Variants in GPM6A observed in about 807,000 individuals in gnomAD.
The protein encoded by GPM6A is neuronal membrane glycoprotein M6-a.
A neutral mutation model predicts 32.1 loss-of-function variants in GPM6A; 7 were observed. The ratio of observed to expected loss-of-function variants is 0.22; its 90% CI spans 0.12 to 0.41. The LOEUF (loss-of-function observed/expected upper bound fraction) is 0.41, where lower values mean the gene tolerates loss of function less well. GPM6A is among the 10% of genes least tolerant of loss of function. The pLI is 1.00. For synonymous variants in GPM6A, 130 were observed against 123.4 expected (o/e 1.05, Z -0.35); for missense variants, 235 against 347.2 (o/e 0.68, Z 2.57).
At chr4:175,998,364 T>C (rs1741374835) in intron 1 of GPM6A, among the ~76,000 whole-genome samples, 1 of 152,142 alleles carries the variant, frequency 6.6e-6, no homozygotes, top group Non-Finnish European at 1.5e-5. Flanking sequence ...GTTGCTCAGG[T>C]TGGTCTCAAA....
At chr4:175,869,660 G>A (rs1027420772) in intron 1 of GPM6A, among the ~76,000 whole-genome samples, 3 of 152,064 alleles carry the variant, frequency 2.0e-5, no homozygotes, top group Non-Finnish European at 2.9e-5. Flanking sequence ...AGGAGGCTGA[G>A]GTAGGAGAAT....
chr4:175,754,666 T>C (rs1309976401), intron 1 of GPM6A, among the ~76,000 whole-genome samples: 1 of 152,188 alleles, frequency 6.6e-6, no homozygotes, highest in Non-Finnish European at 1.5e-5. Context: ...AAAGGAGGAA[T>C]GATAGCCAAG....
At chr4:175,713,158 T>C (rs1055910745) in intron 1 of GPM6A, among the ~76,000 whole-genome samples, 5 of 152,204 alleles carry the variant, frequency 3.3e-5, no homozygotes, top group Non-Finnish European at 5.9e-5. Context: ...CACTCTTTAA[T>C]AGTTAACCCT....
chr4:175,676,268 A>T (rs1327846790), intron 2 of GPM6A, among the ~76,000 whole-genome samples: 5 of 152,158 alleles, frequency 3.3e-5, no homozygotes, highest in African/African-American at 1.2e-4. Flanking sequence ...CTGAGAACGG[A>T]CTAATACAGG....
chr4:175,637,678 TATATATA>T (rs1443241244), intron 6 of GPM6A, among the ~76,000 whole-genome samples: 1 of 1,338 alleles, frequency 7.5e-4, no homozygotes, highest in African/African-American at 2.1e-3. Context: ...ATATATAATA[TATATATA>T]ATATATAATA....
At chr4:175,856,735 G>C (rs967825627) in intron 1 of GPM6A, among the ~76,000 whole-genome samples, 1 of 152,084 alleles carries the variant, frequency 6.6e-6, no homozygotes, top group Non-Finnish European at 1.5e-5. Flanking sequence ...GATAATCTTC[G>C]CCTGGAGTTC....
chr4:176,001,816 C>A (rs958660653), intron 1 of GPM6A, among the ~76,000 whole-genome samples: 1 of 152,212 alleles, frequency 6.6e-6, no homozygotes, highest in Non-Finnish European at 1.5e-5. Flanking sequence ...CAAACCTGTA[C>A]AAAGTGGAAG....
intron 1 of GPM6A, among the ~76,000 whole-genome samples, chr4:175,726,980 AGT>A (rs1731191612): frequency 6.6e-6 from 1 of 152,204 alleles, no homozygotes; most frequent in East Asian, 1.9e-4. Flanking sequence ...TGGGTGACAG[AGT>A]GAGACTCTGT....
chr4:175,976,586 G>T (rs17062332), intron 1 of GPM6A, among the ~76,000 whole-genome samples: 32,800 of 151,968 alleles, frequency 0.22, 4,706 homozygotes, highest in African/African-American at 0.41. Context: ...CAACGGTAGG[G>T]ACCATGCATA....
At chr4:175,853,923 C>T (rs908642009) in intron 1 of GPM6A, among the ~76,000 whole-genome samples, 2 of 152,112 alleles carry the variant, frequency 1.3e-5, no homozygotes, top group Admixed American at 6.5e-5. Context: ...TTAATTTGAA[C>T]TATAGATACC....
At chr4:175,695,427 G>T (rs1744523671) in intron 2 of GPM6A, among the ~76,000 whole-genome samples, 1 of 152,206 alleles carries the variant, frequency 6.6e-6, no homozygotes, top group African/African-American at 2.4e-5. Flanking sequence ...AAAGCCTGGG[G>T]GGGCCCAACC....
chr4:175,704,259 G>T (rs1177525086), intron 1 of GPM6A, among the ~76,000 whole-genome samples: 1 of 151,942 alleles, frequency 6.6e-6, no homozygotes, highest in East Asian at 1.9e-4. Flanking sequence ...AGTAGCTGTT[G>T]TTTGTGCAGG....
At chr4:175,721,638 C>A (rs1284181391) in intron 1 of GPM6A, among the ~76,000 whole-genome samples, 2 of 152,174 alleles carry the variant, frequency 1.3e-5, no homozygotes, top group Non-Finnish European at 2.9e-5. Context: ...AAAGACACTT[C>A]TTACTACATA....
intron 1 of GPM6A, among the ~76,000 whole-genome samples, chr4:175,739,982 A>T (rs1446503261): frequency 6.6e-6 from 1 of 152,118 alleles, no homozygotes; most frequent in African/African-American, 2.4e-5. Flanking sequence ...TTCAAAAATG[A>T]CTTTAAAAAA....
intron 1 of GPM6A, among the ~76,000 whole-genome samples, chr4:175,981,224 G>A (rs560297425): frequency 2.0e-5 from 3 of 151,928 alleles, no homozygotes; most frequent in Non-Finnish European, 4.4e-5. Context: ...TCAACCAAGG[G>A]CAAAGTTTAG....
intron 1 of GPM6A, among the ~76,000 whole-genome samples, chr4:175,834,941 C>T (rs1000296647): frequency 6.6e-6 from 1 of 152,208 alleles, no homozygotes; most frequent in Non-Finnish European, 1.5e-5. Context: ...ATGGCACCTA[C>T]TCTTTCTGTC....
At chr4:175,754,944 T>C (rs1355013928) in intron 1 of GPM6A, among the ~76,000 whole-genome samples, 1 of 151,860 alleles carries the variant, frequency 6.6e-6, no homozygotes, top group African/African-American at 2.4e-5. Flanking sequence ...CCTTCCTTCC[T>C]CTCTCCCTCT....
chr4:175,866,322 T>G (rs987739226), intron 1 of GPM6A, among the ~76,000 whole-genome samples: 1 of 152,160 alleles, frequency 6.6e-6, no homozygotes, highest in African/African-American at 2.4e-5. Flanking sequence ...GGTTTGCTCT[T>G]GGTGTGGCAC....
chr4:175,687,070 C>T (rs745435275), intron 2 of GPM6A, among the ~76,000 whole-genome samples: 2 of 152,170 alleles, frequency 1.3e-5, no homozygotes, highest in African/African-American at 2.4e-5. Context: ...CTCTACCAGA[C>T]TTCAGAACAG....
Sources: gnomAD v4.1 joint callset for allele counts (sites outside exome capture counted in the v4.1 genomes callset) on GRCh38, gnomAD v4.1.1 for gene constraint, MANE v1.5 for transcripts, NCBI Gene and HGNC (gene_info 2026-07-23, HGNC 2026-07-21) for gene names.